CCDC80: variants seen among roughly 807,000 people sequenced by gnomAD.
CCDC80 encodes coiled-coil domain containing 80, also known as coiled-coil domain-containing protein 80.
A neutral mutation model predicts 78.7 loss-of-function variants in CCDC80; 49 were observed. The observed-to-expected ratio is 0.62, with a 90% confidence interval of 0.50 to 0.79. CCDC80 has a LOEUF of 0.79. Ranked by LOEUF, CCDC80 falls within the 30% of genes least tolerant of loss-of-function variation. The pLI, the probability that CCDC80 is intolerant of heterozygous loss-of-function variation, is 0.00. For synonymous variants in CCDC80, 488 were observed against 447.0 expected (o/e 1.09, Z -1.16); for missense variants, 1,205 against 1,198.6 (o/e 1.01, Z -0.08).
chr3:112,631,781 AATTCTCCCCGC>A (rs1936103968), intron 2 of CCDC80, among the ~76,000 whole-genome samples: 1 of 152,146 alleles, frequency 6.6e-6, no homozygotes, highest in South Asian at 2.1e-4. Context: ...CCCTTCTAAG[AATTCTCCCCGC>A]ATGACAAAAT....
rs774566890 is a variant in CCDC80 at position 112,630,125 on chromosome 3, G to T, written c.2023C>A (p.His675Asn). Reference protein sequence around the residue: ...PVNNSTMKIDHFQLDNEKPMR... With the variant: ...PVNNSTMKIDNFQLDNEKPMR... ...TGTTTAAGAGAACCTAGCTGAAAGTGGTCGATTTTCATGGTGCTGTTGTTG... is the reference window on the plus strand; with the variant it reads ...TGTTTAAGAGAACCTAGCTGAAAGTTGTCGATTTTCATGGTGCTGTTGTTG... Residue 675 changes from histidine (H) to asparagine (N), a missense_variant, in exon 3 of 8, where the codon CAC becomes AAC. By Grantham distance (68) the His-to-Asn change is moderately conservative. Transcript: ENST00000206423. 1 of 1,613,668 alleles carries T rather than the reference G, an allele frequency of 6.2e-7. No homozygotes were observed. The highest frequency in any genetic ancestry group is 2.2e-5 in the East Asian group (1 of 44,876).
rs1014035278 is a variant in CCDC80, at chr3:112,638,229, T to C, written c.1677A>G (p.Ala559=). The stretch of plus-strand genomic sequence containing the variant: ...GCTTTTCACTCTTAAGTAACTTGTC[T>C]GCGTTCTCATTCTTCATCTTTTTTT... The part of the protein sequence containing the change: ...EKKKKMKNEN[A]DKLLKSEKQM... Residue 559 remains alanine (A), a synonymous_variant, in exon 2 of 8, where the codon GCA becomes GCG. Transcript: ENST00000206423. The C allele has an allele frequency of 2.5e-6, 4 of 1,613,136 alleles. No homozygotes were observed. Among genetic ancestry groups the C allele is most frequent in the Non-Finnish European group, 3.4e-6 (4 of 1,179,250 alleles).
Position 112,607,192 on chromosome 3 carries a change from T to A in CCDC80, c.2490A>T (p.Glu830Asp). The A allele has an allele frequency of 6.2e-7, 1 of 1,613,230 alleles. No individual in the cohort carries two copies. The highest frequency in any genetic ancestry group is 8.5e-7 in the Non-Finnish European group (1 of 1,179,300). The change falls in exon 7 of 8, where the codon GAA becomes GAT. Residue 830 changes from glutamate (E) to aspartate (D), a missense_variant. Glu to Asp is a conservative substitution (Grantham distance 45). Coordinates refer to ENST00000206423, the MANE Select transcript of CCDC80 (RefSeq NM_199511.3). ...ACACATTACCATTAATTGGGAACAG[T>A]TCTAACACTCCCCCAACTTCCTCTC... ...GVGEEVGGVLELFPINGSSVV... is the reference protein window; with the variant it reads ...GVGEEVGGVLDLFPINGSSVV...
intron 7 of CCDC80, 151 bp from the exon 8 acceptor site, chr3:112,605,914 C>T (rs1935477691): frequency 1.5e-6 from 1 of 678,818 alleles, no homozygotes; most frequent in African/African-American, 1.8e-5. Context: ...TTTGCTGGGG[C>T]TTTTTCTACT....
At chr3:112,619,912 G>A (rs902364801) in intron 3 of CCDC80, among the ~76,000 whole-genome samples, 7 of 152,092 alleles carry the variant, frequency 4.6e-5, no homozygotes, top group South Asian at 2.1e-4. Flanking sequence ...ACTTCTTCCC[G>A]CTAAAACAAG....
rs568913935 is a variant in CCDC80, at chr3:112,600,748, C to T, written c.*4669G>A. 50 of 152,404 alleles carry T rather than the reference C, an allele frequency of 3.3e-4. No homozygotes were observed. Among genetic ancestry groups the T allele is most frequent in the African/African-American group, 1.2e-3 (49 of 41,552 alleles). The allele number at this position is 152,404 out of a possible 1,614,324, so 9.4% of individuals were successfully genotyped here. ...CGAAGTCCTGGGCTCAAGCGACCCGCTCACCTTGGCCTCCCAAAGTGCTGG... is the reference window on the plus strand; with the variant it reads ...CGAAGTCCTGGGCTCAAGCGACCCGTTCACCTTGGCCTCCCAAAGTGCTGG... On this transcript the variant is annotated 3_prime_UTR_variant, in exon 8 of 8. Coordinates refer to ENST00000206423, the MANE Select transcript of CCDC80 (RefSeq NM_199511.3).
rs1178322032 is a variant in CCDC80 at position 112,616,571 on chromosome 3, G to T, written c.2321+139C>A. On this transcript the variant is annotated intron_variant, in intron 5 of 7. Transcript: ENST00000206423. ...CAACAGGACAAGACTAAGCTCAGTG[G>T]CCAGAGATGGGTAGGTTTTTCTCCA... 1.8e-5 allele frequency: 16 copies of T among 903,832 alleles called. No individual in the cohort carries two copies. The East Asian group carries it at 3.5e-4, about 20-fold the overall frequency. The allele number at this position is 903,832 out of a possible 1,614,324, so 56.0% of individuals were successfully genotyped here.
intron 7 of CCDC80, 121 bp downstream of exon 7, chr3:112,607,055 G>C: frequency 1.5e-6 from 1 of 668,104 alleles, no homozygotes; most frequent in Non-Finnish European, 2.5e-6. Context: ...TGCATGAAGT[G>C]GGAGGAGGAT....
intron 5 of CCDC80, among the ~76,000 whole-genome samples, chr3:112,612,312 G>C (rs1935647747): frequency 6.6e-6 from 1 of 152,082 alleles, no homozygotes; most frequent in African/African-American, 2.4e-5. Context: ...CAGAGCTGTA[G>C]GGTGTCTTGG....
Position 112,601,370 on chromosome 3 carries a change from GAATT to G in CCDC80, c.*4043_*4046del, listed in dbSNP as rs1371907738. ...AATAATAATACTAAAATGATTTGGA[GAATT>G]AATGATTAATAACAGTGGAAAATAG... On this transcript the variant is annotated 3_prime_UTR_variant, in exon 8 of 8. Coordinates refer to ENST00000206423, the MANE Select transcript of CCDC80 (RefSeq NM_199511.3). The G allele has an allele frequency of 6.6e-6, 1 of 152,132 alleles. No individual in the cohort carries two copies. The highest frequency in any genetic ancestry group is 1.5e-5 in the Non-Finnish European group (1 of 68,030). 9.4% of individuals were successfully genotyped at this position (152,132 alleles called of 1,614,324 possible).
chr3:112,605,662 C>G lies in CCDC80; in HGVS notation c.2608G>C (p.Gly870Arg). 1 of 1,614,156 alleles carries G rather than the reference C, an allele frequency of 6.2e-7. No individual in the cohort carries two copies. Among genetic ancestry groups the G allele is most frequent in the Non-Finnish European group, 8.5e-7 (1 of 1,180,016 alleles). ...CAGGATTTGACATTTCCGTCTTTTCCGACTAGAAGCATGGAGAAGTACTCC... is the reference window on the plus strand; with the variant it reads ...CAGGATTTGACATTTCCGTCTTTTCGGACTAGAAGCATGGAGAAGTACTCC... ...SPEYFSMLLVGKDGNVKSWYP... is the reference protein window; with the variant it reads ...SPEYFSMLLVRKDGNVKSWYP... The change falls in exon 8 of 8, where the codon GGA becomes CGA. Residue 870 changes from glycine to arginine, a missense_variant. Physicochemically the swap from Gly to Arg is moderately radical, Grantham distance 125. Coordinates refer to ENST00000206423, the MANE Select transcript of CCDC80 (RefSeq NM_199511.3).
Position 112,605,663 on chromosome 3 carries a change from G to A in CCDC80, c.2607C>T (p.Val869=), listed in dbSNP as rs201558070. Residue 869 remains valine, a synonymous_variant, in exon 8 of 8, where the codon GTC becomes GTT. Coordinates refer to ENST00000206423, the MANE Select transcript of CCDC80 (RefSeq NM_199511.3). ...AGGATTTGACATTTCCGTCTTTTCC[G>A]ACTAGAAGCATGGAGAAGTACTCCG... is the stretch of plus-strand genomic sequence containing the variant. ...VSPEYFSMLL[V]GKDGNVKSWY... 1.4e-5 allele frequency: 22 copies of A among 1,614,154 alleles called. No homozygotes were observed. The African/African-American group carries it at 1.7e-4, about 13-fold the overall frequency.
intron 5 of CCDC80, among the ~76,000 whole-genome samples, chr3:112,611,452 C>A (rs1436197566): frequency 6.6e-6 from 1 of 152,324 alleles, no homozygotes; most frequent in East Asian, 1.9e-4. Context: ...TTTTATAGCT[C>A]ACTTTCACCA....
intron 5 of CCDC80, among the ~76,000 whole-genome samples, chr3:112,612,287 C>G (rs903097016): frequency 1.3e-5 from 2 of 152,140 alleles, no homozygotes; most frequent in African/African-American, 4.8e-5. Context: ...CCAGACTAGC[C>G]TTCCTGGCCT....
At chr3:112,614,816 G>T (rs1362184756) in intron 5 of CCDC80, among the ~76,000 whole-genome samples, 1 of 152,214 alleles carries the variant, frequency 6.6e-6, no homozygotes, top group Non-Finnish European at 1.5e-5. Context: ...TGGGGAGTCA[G>T]ATTGTCCCAG....
rs1191221478 is a variant in CCDC80, at chr3:112,619,036, T to G, written c.2104A>C (p.Arg702=). The change falls in exon 4 of 8, where the codon AGG becomes CGG. Residue 702 remains arginine, a synonymous_variant. Transcript: ENST00000206423. ...TTGTAGGTCATTCCGTACTCTTTCCTCAGCTCGCTGATGAGACGCTGGTCT... is the reference window on the plus strand; with the variant it reads ...TTGTAGGTCATTCCGTACTCTTTCCGCAGCTCGCTGATGAGACGCTGGTCT... ...LVDQRLISEL[R]KEYGMTYNDF... 6.2e-7 allele frequency: 1 copy of G among 1,611,980 alleles called. No individual in the cohort carries two copies. Among genetic ancestry groups the G allele is most frequent in the African/African-American group, 1.3e-5 (1 of 74,922 alleles).
At position 112,616,739 on chromosome 3, in the gene CCDC80, T is replaced by A. The variant is rs1246020289; in HGVS notation, c.2292A>T (p.Lys764Asn). The change falls in exon 5 of 8, where the codon AAA becomes AAT. Residue 764 changes from lysine (K) to asparagine (N), a missense_variant. Lys to Asn is a moderately conservative substitution (Grantham distance 94). Transcript: ENST00000206423. The part of the protein sequence containing the change: ...KKEGIVCKED[K>N]KQSLENFLSR... ...ATAGGAAGTTCTCCAGGGACTGCTT[T>A]TTGTCCTCTTTGCAAACAATGCCCT... The A allele has an allele frequency of 6.2e-7, 1 of 1,614,198 alleles. No individual in the cohort carries two copies. The highest frequency in any genetic ancestry group is 8.5e-7 in the Non-Finnish European group (1 of 1,180,016).
chr3:112,629,003 TA>T (rs892083056), intron 3 of CCDC80, among the ~76,000 whole-genome samples: 13 of 151,790 alleles, frequency 8.6e-5, no homozygotes, highest in African/African-American at 2.9e-4. Context: ...CTTACCACAA[TA>T]AAAAAAATAT....
intron 7 of CCDC80, among the ~76,000 whole-genome samples, chr3:112,606,226 T>A (rs1935485509): frequency 6.6e-6 from 1 of 152,246 alleles, no homozygotes; most frequent in South Asian, 2.1e-4. Flanking sequence ...TAGAGGAATA[T>A]TTAAACTATT....
Sources: gnomAD v4.1 joint callset for allele counts (sites outside exome capture counted in the v4.1 genomes callset) on GRCh38, gnomAD v4.1.1 for gene constraint, MANE v1.5 for transcripts, NCBI Gene and HGNC (gene_info 2026-07-23, HGNC 2026-07-21) for gene names.